The following NXPE2 variants were observed in gnomAD, a reference collection of about 807,000 sequenced individuals.
NXPE2 encodes the protein NXPE family member 2.
Under a neutral mutation model 34.4 loss-of-function variants are expected in NXPE2, and 34 were observed. The observed-to-expected ratio is 0.99, with a 90% confidence interval of 0.75 to 1.31. The LOEUF is 1.31. Among genes scored for constraint, NXPE2 ranks in the 40% most tolerant of loss-of-function variants. The probability of loss-of-function intolerance (pLI) is 0.00; values close to 1 mark genes in which losing one functional copy is unlikely to be tolerated. For missense variants in NXPE2, 649 were observed against 672.5 expected, an observed-to-expected ratio of 0.97 and a Z score of 0.39; for synonymous variants, 235 against 231.3, an observed-to-expected ratio of 1.02 and a Z score of -0.15.
rs924455006 is a variant in NXPE2 at position 114,706,405 on chromosome 11, T to G, written c.1155T>G (p.Tyr385Ter). ...YLQKAVKTLK[Y>*]FDHHGAGIFK... ...TTTGTCTTTCATCAGCCCTAAAATATTTTGATCATCATGGAGCTGGGATCT... is the reference window on the plus strand; with the variant it reads ...TTTGTCTTTCATCAGCCCTAAAATAGTTTGATCATCATGGAGCTGGGATCT... The change falls in exon 6 of 6, where the codon TAT (tyrosine) becomes TAG (stop). Residue 385 changes from tyrosine to a stop codon, truncating the protein, a stop_gained. Transcript: ENST00000389586. LOFTEE classifies it low-confidence loss of function (END_TRUNC). The G allele has an allele frequency of 8.5e-6, 13 of 1,531,262 alleles. No individual in the cohort carries two copies. Among genetic ancestry groups the G allele is most frequent in the Non-Finnish European group, 1.1e-5 (13 of 1,138,904 alleles). 94.9% of individuals were successfully genotyped at this position (1,531,262 alleles called of 1,614,324 possible).
the NXPE2 span, among the ~76,000 whole-genome samples, chr11:114,632,751 AAT>A: frequency 2.8e-5 from 1 of 36,314 alleles, no homozygotes; most frequent in Non-Finnish European, 5.2e-5. Context: ...AATATATTAT[AAT>A]ATATCATATA....
intron 2 of NXPE2, among the ~76,000 whole-genome samples, chr11:114,683,157 GT>G (rs1950977881): frequency 6.6e-6 from 1 of 151,860 alleles, no homozygotes; most frequent in Non-Finnish European, 1.5e-5. Flanking sequence ...AAGTTTTTGA[GT>G]TTTTTAAAAT....
At chr11:114,799,956 T>C in the NXPE2 span, among the ~76,000 whole-genome samples, 3,011 of 138,378 alleles carry the variant, frequency 0.022, 43 homozygotes, top group Non-Finnish European at 0.034. Flanking sequence ...TTTCTCTCCT[T>C]CTTCCTCTGT....
At chr11:114,627,946 G>T in the NXPE2 span, among the ~76,000 whole-genome samples, 1 of 152,046 alleles carries the variant, frequency 6.6e-6, no homozygotes, top group African/African-American at 2.4e-5. Context: ...ATGGTAAAGG[G>T]ATCAACTCAA....
the NXPE2 span, among the ~76,000 whole-genome samples, chr11:114,619,606 A>G: frequency 3.0e-5 from 4 of 131,324 alleles, no homozygotes; most frequent in African/African-American, 1.2e-4. Context: ...AGTGCTTCCC[A>G]GTGGAAAATG....
chr11:114,692,069 A>G (rs1002599369), intron 2 of NXPE2, among the ~76,000 whole-genome samples: 6 of 152,178 alleles, frequency 3.9e-5, no homozygotes, highest in African/African-American at 1.4e-4. Flanking sequence ...AACTCTCTGC[A>G]TTCACCACTC....
the NXPE2 span, among the ~76,000 whole-genome samples, chr11:114,648,084 G>A: frequency 1.3e-5 from 2 of 152,040 alleles, no homozygotes; most frequent in South Asian, 2.1e-4. Flanking sequence ...CTTTGCCCTG[G>A]TTCCTGAGAC....
At chr11:114,626,472 G>A in the NXPE2 span, among the ~76,000 whole-genome samples, 5 of 152,250 alleles carry the variant, frequency 3.3e-5, no homozygotes, top group South Asian at 1.0e-3. Flanking sequence ...GGTCCTGTCT[G>A]TTAGAAGGAA....
chr11:114,566,946 A>AC, the NXPE2 span, among the ~76,000 whole-genome samples: 1 of 152,164 alleles, frequency 6.6e-6, no homozygotes, highest in East Asian at 1.9e-4. Context: ...CATTCTCTGC[A>AC]ATCATGGACA....
the NXPE2 span, among the ~76,000 whole-genome samples, chr11:114,559,616 T>C: frequency 2.6e-5 from 4 of 152,146 alleles, no homozygotes; most frequent in Non-Finnish European, 5.9e-5. Context: ...ATCAGTTTTT[T>C]TTTTTGTTTC....
At chr11:114,762,708 C>G in the NXPE2 span, among the ~76,000 whole-genome samples, 2 of 152,190 alleles carry the variant, frequency 1.3e-5, no homozygotes, top group Non-Finnish European at 2.9e-5. Context: ...ACCTTTGAAA[C>G]AGAAGCCAGT....
chr11:114,594,700 G>C, the NXPE2 span: 1 of 1,603,618 alleles, frequency 6.2e-7, no homozygotes, highest in African/African-American at 1.3e-5. Flanking sequence ...AAATGATCCA[G>C]GAGGCTAATA....
the NXPE2 span, among the ~76,000 whole-genome samples, chr11:114,555,006 G>C: frequency 1.3e-5 from 2 of 150,476 alleles, no homozygotes; most frequent in South Asian, 2.1e-4. Context: ...TCCCTATCTT[G>C]TTTTCTTGTT....
At chr11:114,605,438 T>G in the NXPE2 span, among the ~76,000 whole-genome samples, 1 of 151,916 alleles carries the variant, frequency 6.6e-6, no homozygotes, top group Admixed American at 6.6e-5. Context: ...GCGTAACCAC[T>G]GTTACCCACT....
At chr11:114,681,311 A>G (rs767611147) in intron 2 of NXPE2, among the ~76,000 whole-genome samples, 1 of 152,240 alleles carries the variant, frequency 6.6e-6, no homozygotes, top group Non-Finnish European at 1.5e-5. Flanking sequence ...AGATACAGAA[A>G]TACAGGATAT....
At chr11:114,670,121 T>C in the NXPE2 span, among the ~76,000 whole-genome samples, 1 of 152,012 alleles carries the variant, frequency 6.6e-6, no homozygotes, top group African/African-American at 2.4e-5. Flanking sequence ...CTATATTTAA[T>C]TTAATTAGAC....
At chr11:114,548,395 A>C in the NXPE2 span, among the ~76,000 whole-genome samples, 235 of 152,252 alleles carry the variant, frequency 1.5e-3, 3 homozygotes, top group African/African-American at 5.4e-3. Context: ...TGAAACCTTT[A>C]CAAATATTCT....
At chr11:114,520,244 G>A in the NXPE2 span, among the ~76,000 whole-genome samples, 1 of 152,022 alleles carries the variant, frequency 6.6e-6, no homozygotes. Context: ...TGTACCCTTT[G>A]ACCTACACCT....
chr11:114,711,617 A>G (rs1644287354), downstream of NXPE2, among the ~76,000 whole-genome samples: 1 of 152,170 alleles, frequency 6.6e-6, no homozygotes, highest in Admixed American at 6.5e-5. Flanking sequence ...GAATACAAAT[A>G]AATGGAAAGA....
Sources: gnomAD v4.1 joint callset for allele counts (sites outside exome capture counted in the v4.1 genomes callset) on GRCh38, gnomAD v4.1.1 for gene constraint, MANE v1.5 for transcripts, NCBI Gene and HGNC (gene_info 2026-07-23, HGNC 2026-07-21) for gene names.